Variants in MID1 observed in about 807,000 individuals in gnomAD.
The protein encoded by MID1 is E3 ubiquitin-protein ligase Midline-1.
Under a neutral mutation model 40.4 loss-of-function variants are expected in MID1, and 7 were observed. The observed-to-expected ratio is 0.17, with a 90% CI of 0.10 to 0.33. MID1 has a LOEUF of 0.33. Ranked by LOEUF, MID1 falls within the 10% of genes least tolerant of loss-of-function variation. The probability of loss-of-function intolerance (pLI) is 1.00; values close to 1 mark genes in which losing one functional copy is unlikely to be tolerated. For missense variants in MID1, 367 were observed against 558.5 expected (o/e 0.66, Z 3.46); for synonymous variants, 229 against 221.2 (o/e 1.04, Z -0.31).
chrX:10,548,488 T>C (rs909326530), intron 2 of MID1, among the ~76,000 whole-genome samples: 1 of 112,362 alleles, frequency 8.9e-6, no homozygotes, highest in Non-Finnish European at 1.9e-5. Flanking sequence ...TAAGACAGTT[T>C]TGTTTTTTCA....
chrX:10,528,272 T>C (rs779227990), intron 2 of MID1, among the ~76,000 whole-genome samples: 2 of 111,596 alleles, frequency 1.8e-5, no homozygotes, highest in Non-Finnish European at 3.8e-5. Flanking sequence ...CATTTCCACC[T>C]GCAATCAATA....
chrX:10,732,075 A>G (rs1045308657), intron 1 of MID1, among the ~76,000 whole-genome samples: 1 of 110,335 alleles, frequency 9.1e-6, no homozygotes, highest in Non-Finnish European at 1.9e-5. Flanking sequence ...AAGGACATCT[A>G]TGGAAAACCT....
chrX:10,696,817 T>G (rs2043166270), intron 1 of MID1, among the ~76,000 whole-genome samples: 1 of 112,187 alleles, frequency 8.9e-6, no homozygotes, highest in Non-Finnish European at 1.9e-5. Context: ...AGTTAGGACT[T>G]GTTTGTAGAA....
chrX:10,636,740 G>T (rs948141359), intron 1 of MID1, among the ~76,000 whole-genome samples: 3 of 92,250 alleles, frequency 3.3e-5, no homozygotes, highest in African/African-American at 8.5e-5. Context: ...ATCACAGATG[G>T]ACTATGGATT....
chrX:10,640,564 T>C (rs1378881429), intron 1 of MID1, among the ~76,000 whole-genome samples: 3 of 111,194 alleles, frequency 2.7e-5, no homozygotes, highest in Non-Finnish European at 5.6e-5. Flanking sequence ...ACAATAATAA[T>C]GGGAGACGTT....
At chrX:10,817,790 T>C (rs1318497848) in intron 1 of MID1, among the ~76,000 whole-genome samples, 1 of 109,576 alleles carries the variant, frequency 9.1e-6, no homozygotes, top group Non-Finnish European at 1.9e-5. Flanking sequence ...TGGCAATTTT[T>C]GTACTTTTAG....
chrX:10,626,311 C>CTATTATTAT (rs772195870), intron 1 of MID1, among the ~76,000 whole-genome samples: 1,665 of 101,824 alleles, frequency 0.016, 38 homozygotes, highest in African/African-American at 0.045. Flanking sequence ...TCATATGAAA[C>CTATTATTAT]TATTATTATT....
intron 1 of MID1, among the ~76,000 whole-genome samples, chrX:10,796,092 C>G (rs779343878): frequency 8.9e-6 from 1 of 112,236 alleles, no homozygotes; most frequent in Non-Finnish European, 1.9e-5. Context: ...AAATCTTCAT[C>G]AGCCTTCTTG....
chrX:10,456,841 AAAT>A (rs1277936782), intron 8 of MID1, among the ~76,000 whole-genome samples: 1 of 111,144 alleles, frequency 9.0e-6, no homozygotes, highest in African/African-American at 3.3e-5. Context: ...TGTCTCAAAA[AAAT>A]AACAATAAAA....
intron 2 of MID1, among the ~76,000 whole-genome samples, chrX:10,562,878 T>TTAAA (rs899197164): frequency 1.3e-4 from 14 of 106,682 alleles, no homozygotes; most frequent in African/African-American, 4.5e-4. Context: ...GATTATAATA[T>TTAAA]TAAATAAATA....
intron 1 of MID1, among the ~76,000 whole-genome samples, chrX:10,832,380 C>A (rs1194861102): frequency 8.9e-6 from 1 of 112,448 alleles, no homozygotes; most frequent in Non-Finnish European, 1.9e-5. Context: ...TGGTCATTTT[C>A]TCAAATCTCC....
At chrX:10,637,707 A>G (rs1936135863) in intron 1 of MID1, among the ~76,000 whole-genome samples, 1 of 111,840 alleles carries the variant, frequency 8.9e-6, no homozygotes, top group Admixed American at 9.5e-5. Context: ...TCTTATTCAC[A>G]AGGAAGTATC....
rs138881992 is a variant in MID1, at chrX:10,480,158, A to T, written c.1013+2322T>A. Among the ~76,000 whole-genome samples the T allele has an allele frequency of 8.9e-3, 998 of 112,333 alleles. 13 individuals carry two copies. The highest frequency in any genetic ancestry group is 0.031 in the African/African-American group (950 of 30,929). On this transcript the variant is annotated intron_variant, in intron 5 of 9. Transcript: ENST00000317552. ...GACAAGGCTCTTGGCAAATTTTTAC[A>T]GGCTCTGTGAATTCAAACTTGACAG...
In MID1 at chrX:10,721,408, C is replaced by A. The variant is rs1446056828; in HGVS notation, c.-186-100989G>T. The stretch of plus-strand genomic sequence containing the variant: ...TTGGGTCCTTTGGATTCCAAAGGAC[C>A]AAAGAAGCTGAGGAATAACAGATTT... On this transcript the variant is annotated intron_variant, in intron 1 of 10. Transcript: ENST00000380785. 3.6e-5 allele frequency among the ~76,000 whole-genome samples: 4 copies of A among 109,658 alleles called. No individual in the cohort carries two copies. In the East Asian group the frequency reaches 1.1e-3, roughly 31 times the overall value.
intron 1 of MID1, among the ~76,000 whole-genome samples, chrX:10,609,470 C>G (rs1282546124): frequency 9.0e-6 from 1 of 110,963 alleles, no homozygotes; most frequent in African/African-American, 3.3e-5. Context: ...ATTCTATAAA[C>G]CCTGTGAGTT....
At chrX:10,674,203 G>A (rs1483475969) in intron 1 of MID1, among the ~76,000 whole-genome samples, 1 of 112,579 alleles carries the variant, frequency 8.9e-6, no homozygotes, top group Non-Finnish European at 1.9e-5. Flanking sequence ...ATAACACACA[G>A]TGGGTCTTGT....
At chrX:10,452,011 T>TCAGA (rs1184611370) in intron 9 of MID1, among the ~76,000 whole-genome samples, 4 of 112,273 alleles carry the variant, frequency 3.6e-5, no homozygotes, top group Non-Finnish European at 7.5e-5. Flanking sequence ...TTTCCGCTTT[T>TCAGA]CAGACAATTT....
At chrX:10,664,162 CTTTG>C (rs924670540) in intron 1 of MID1, among the ~76,000 whole-genome samples, 10 of 86,343 alleles carry the variant, frequency 1.2e-4, no homozygotes, top group African/African-American at 4.5e-4. Context: ...CTGTTTGTTT[CTTTG>C]TTTGTTTGTT....
At chrX:10,521,920 G>C (rs963392339) in intron 3 of MID1, among the ~76,000 whole-genome samples, 1 of 111,874 alleles carries the variant, frequency 8.9e-6, no homozygotes, top group African/African-American at 3.3e-5. Flanking sequence ...GCTCACTGCA[G>C]CCTCGATTTC....
Sources: gnomAD v4.1 joint callset for allele counts (sites outside exome capture counted in the v4.1 genomes callset) on GRCh38, gnomAD v4.1.1 for gene constraint, MANE v1.5 for transcripts, NCBI Gene and HGNC (gene_info 2026-07-23, HGNC 2026-07-21) for gene names.